The following THSD7A variants were observed in gnomAD, a reference collection of about 807,000 sequenced individuals.
The protein encoded by THSD7A is thrombospondin type-1 domain-containing protein 7A.
THSD7A carries 96 observed loss-of-function variants against 231.3 expected under a neutral mutation model. That is an observed-to-expected ratio of 0.41 (90% CI 0.35 to 0.49). THSD7A has a LOEUF of 0.49. Ranked by LOEUF, THSD7A falls within the 20% of genes least tolerant of loss-of-function variation. The pLI, the probability that THSD7A is intolerant of heterozygous loss-of-function variation, is 0.05. For synonymous variants in THSD7A, 940 were observed against 743.3 expected (o/e 1.26, Z -4.30); for missense variants, 2,290 against 2,070.2 (o/e 1.11, Z -2.06).
rs1780393354 is a variant in THSD7A at position 11,696,221 on chromosome 7, G to T, written c.191-59260C>A. On this transcript the variant is annotated intron_variant, in intron 1 of 27. Coordinates refer to ENST00000423059, the MANE Select transcript of THSD7A (RefSeq NM_015204.3). ...GTTCTGCAGGCAATGGGAAATAATGGATTGGCAACATGGTTGGAAATTAAA... is the reference window on the plus strand; with the variant it reads ...GTTCTGCAGGCAATGGGAAATAATGTATTGGCAACATGGTTGGAAATTAAA... Among the ~76,000 whole-genome samples, 6 of 151,442 alleles carry T rather than the reference G, an allele frequency of 4.0e-5. 1 individual carries two copies. The South Asian group carries it at 1.2e-3, about 32-fold the overall frequency.
At chr7:11,694,888 T>G (rs1164209690) in intron 1 of THSD7A, among the ~76,000 whole-genome samples, 1 of 151,554 alleles carries the variant, frequency 6.6e-6, no homozygotes, top group African/African-American at 2.4e-5. Flanking sequence ...CACATAAACG[T>G]AGCATATCTC....
intron 6 of THSD7A, among the ~76,000 whole-genome samples, chr7:11,498,394 T>C (rs956289711): frequency 1.3e-5 from 2 of 152,100 alleles, no homozygotes; most frequent in African/African-American, 4.8e-5. Context: ...AGGAGCTCAA[T>C]CCTCTTCCTC....
At chr7:11,794,843 G>C (rs76269595) in intron 1 of THSD7A, among the ~76,000 whole-genome samples, 6,462 of 152,066 alleles carry the variant, frequency 0.042, 198 homozygotes, top group East Asian at 0.14. Context: ...CACTGTGCAT[G>C]AGAAGTTCAC....
chr7:11,518,615 A>ACACACACACG (rs1788134569), intron 6 of THSD7A, among the ~76,000 whole-genome samples: 1 of 151,754 alleles, frequency 6.6e-6, no homozygotes, highest in African/African-American at 2.4e-5. Flanking sequence ...ACACACACAC[A>ACACACACACG]CACACGCACA....
chr7:11,489,940 C>G (rs79934780), intron 6 of THSD7A, among the ~76,000 whole-genome samples: 1 of 151,838 alleles, frequency 6.6e-6, no homozygotes, highest in African/African-American at 2.4e-5. Flanking sequence ...TTTAAGAAAC[C>G]TGGGAGTCTT....
intron 1 of THSD7A, chr7:11,820,654 T>A: frequency 2.5e-6 from 2 of 799,172 alleles, no homozygotes; most frequent in Non-Finnish European, 4.4e-6. Context: ...CACCTCCTCT[T>A]TCACTTGGAC....
At chr7:11,755,926 C>T (rs890763772) in intron 1 of THSD7A, among the ~76,000 whole-genome samples, 5 of 151,952 alleles carry the variant, frequency 3.3e-5, no homozygotes, top group Middle Eastern at 3.4e-3. Flanking sequence ...AAAAATACGC[C>T]GTATACATTC....
At position 11,636,654 on chromosome 7, in the gene THSD7A, G is replaced by A; in HGVS notation, c.498C>T (p.Asp166=). Reference sequence around the variant, plus strand: ...CACAGATGATATCCTCCGCAGGAATGTCTTTGTCTTTCTGGATGCACGCTA... The same window carrying A: ...CACAGATGATATCCTCCGCAGGAATATCTTTGTCTTTCTGGATGCACGCTA... ...REIACIQKDK[D]IPAEDIICEY... The change falls in exon 2 of 28, where the codon GAC becomes GAT. Residue 166 remains aspartate (D), a synonymous_variant. Transcript: ENST00000423059. The surrounding 1 kb of genome is among the most constrained non-coding windows in gnomAD (Gnocchi z 10.0). 2 of 1,613,992 alleles carry A rather than the reference G, an allele frequency of 1.2e-6. No homozygotes were observed. Among genetic ancestry groups the A allele is most frequent in the Non-Finnish European group, 1.7e-6 (2 of 1,179,894 alleles).
intron 1 of THSD7A, among the ~76,000 whole-genome samples, chr7:11,675,550 C>T (rs4570029): frequency 0.41 from 61,947 of 152,076 alleles, 13,004 homozygotes; most frequent in African/African-American, 0.5. Context: ...CAGTCTGAAG[C>T]TGACCTGGGA....
At chr7:11,698,616 G>C (rs1780474822) in intron 1 of THSD7A, among the ~76,000 whole-genome samples, 1 of 151,400 alleles carries the variant, frequency 6.6e-6, no homozygotes, top group Admixed American at 6.6e-5. Flanking sequence ...ATTATTTCAA[G>C]TTAATTTGCA....
chr7:11,753,713 A>G (rs1173998688), intron 1 of THSD7A, among the ~76,000 whole-genome samples: 1 of 152,062 alleles, frequency 6.6e-6, no homozygotes, highest in Non-Finnish European at 1.5e-5. Flanking sequence ...AACACTTAAG[A>G]AAGTTGCTAT....
chr7:11,393,066 G>C (rs1783046920), intron 23 of THSD7A, among the ~76,000 whole-genome samples: 1 of 152,198 alleles, frequency 6.6e-6, no homozygotes, highest in African/African-American at 2.4e-5. Context: ...CCCGAAGTGG[G>C]TCCCTGACCC....
chr7:11,403,638 G>A (rs1234982299), intron 22 of THSD7A, among the ~76,000 whole-genome samples: 1 of 152,120 alleles, frequency 6.6e-6, no homozygotes, highest in African/African-American at 2.4e-5. Context: ...TTCACCAGTA[G>A]GCTTTATCTT....
Position 11,462,041 on chromosome 7 carries a change from C to T in THSD7A, c.2471G>A (p.Cys824Tyr). ...CTDPLYEEKA[C>Y]EAPQACQSYR... ...GCTTTGGCACGCTTGAGGTGCCTCA[C>T]AGGCCTTCTCTTCATAGAGGGGATC... is the stretch of plus-strand genomic sequence containing the variant. The change falls in exon 10 of 28, where the codon TGT becomes TAT. Residue 824 changes from cysteine (C) to tyrosine (Y), a missense_variant. Transcript: ENST00000423059. 1.2e-6 allele frequency: 2 copies of T among 1,613,764 alleles called. No individual in the cohort carries two copies. Among genetic ancestry groups the T allele is most frequent in the South Asian group, 1.1e-5 (1 of 91,076 alleles).
intron 4 of THSD7A, among the ~76,000 whole-genome samples, chr7:11,574,081 C>T (rs547578379): frequency 1.3e-5 from 2 of 152,252 alleles, no homozygotes; most frequent in South Asian, 2.1e-4. Context: ...AAGATCAATG[C>T]AAATTTGTTT....
intron 2 of THSD7A, among the ~76,000 whole-genome samples, chr7:11,620,741 A>C (rs1431185947): frequency 1.3e-5 from 2 of 152,174 alleles, no homozygotes; most frequent in African/African-American, 2.4e-5. Context: ...TTATTATCAC[A>C]ATCAAATTAA....
rs750868656 is a variant in THSD7A, at chr7:11,541,445, T to C, written c.1796A>G (p.Gln599Arg). The C allele has an allele frequency of 3.1e-6, 5 of 1,613,990 alleles. No individual in the cohort carries two copies. In the Admixed American group the frequency reaches 6.7e-5, roughly 22 times the overall value. ...ATCACTGTTGATGCACACAACCTCT[T>C]GAACTTGCGTGCCTGGACCACACTC... ...GKECGPGTQV[Q>R]EVVCINSDGE... Residue 599 changes from glutamine (Q) to arginine (R), a missense_variant, in exon 6 of 28, where the codon CAA becomes CGA. Transcript: ENST00000423059.
chr7:11,378,338 G>A (rs1370327664), intron 26 of THSD7A, among the ~76,000 whole-genome samples: 1 of 152,220 alleles, frequency 6.6e-6, no homozygotes, highest in South Asian at 2.1e-4. Context: ...CAAGCACCAG[G>A]TTAGTTCTAG....
chr7:11,533,320 TTCAAGAGC>T (rs981365606), intron 6 of THSD7A, among the ~76,000 whole-genome samples: 1 of 151,940 alleles, frequency 6.6e-6, no homozygotes, highest in African/African-American at 2.4e-5. Flanking sequence ...TAGGGGAAAA[TTCAAGAGC>T]TCAGAATGAA....
Sources: allele counts gnomAD v4.1 joint callset (sites outside exome capture counted in the v4.1 genomes callset), GRCh38; gene constraint gnomAD v4.1.1; non-coding constraint Gnocchi (gnomAD v3.1); transcripts MANE v1.5; gene names NCBI Gene and HGNC (gene_info 2026-07-23, HGNC 2026-07-21).